The following NDUFA9 variants were observed in gnomAD, a reference collection of about 807,000 sequenced individuals.
NDUFA9 encodes the protein NADH:ubiquinone oxidoreductase subunit A9, also known as NADH dehydrogenase [ubiquinone] 1 alpha subcomplex subunit 9, mitochondrial.
NDUFA9 carries 23 observed loss-of-function variants against 45.9 expected under a neutral mutation model. The observed-to-expected ratio is 0.50, with a 90% CI of 0.36 to 0.71. NDUFA9 has a LOEUF of 0.71. Ranked by LOEUF, NDUFA9 falls within the 30% of genes least tolerant of loss-of-function variation. The pLI is 0.00. For synonymous variants in NDUFA9, 176 were observed against 170.5 expected (o/e 1.03, Z -0.25); for missense variants, 466 against 488.2 (o/e 0.95, Z 0.43).
intron 1 of NDUFA9, among the ~76,000 whole-genome samples, chr12:4,651,413 C>T (rs913844994): frequency 6.6e-6 from 1 of 152,020 alleles, no homozygotes; most frequent in African/African-American, 2.4e-5. Context: ...ATGTTATTCT[C>T]ATTAACCCTT....
chr12:4,665,832 T>C (rs1419961211), intron 6 of NDUFA9, among the ~76,000 whole-genome samples: 1 of 151,860 alleles, frequency 6.6e-6, no homozygotes, highest in Non-Finnish European at 1.5e-5. Flanking sequence ...GTTTTTGAGA[T>C]TGGGTCTTGC....
At chr12:4,658,804 G>T (rs538805308) in intron 4 of NDUFA9, among the ~76,000 whole-genome samples, 2 of 152,000 alleles carry the variant, frequency 1.3e-5, no homozygotes, top group Non-Finnish European at 2.9e-5. Flanking sequence ...TGTGCAGGCT[G>T]GTCTTGAACT....
At chr12:4,667,109 T>A (rs1425514503) in intron 6 of NDUFA9, among the ~76,000 whole-genome samples, 1 of 152,218 alleles carries the variant, frequency 6.6e-6, no homozygotes, top group Non-Finnish European at 1.5e-5. Context: ...GCCTTCTTGC[T>A]GTGTGCTCAC....
intron 6 of NDUFA9, among the ~76,000 whole-genome samples, chr12:4,665,456 T>C (rs988731812): frequency 6.6e-6 from 1 of 152,254 alleles, no homozygotes; most frequent in Middle Eastern, 3.2e-3. Context: ...GATATGTCTA[T>C]ACCACATTTT....
At position 4,649,121 on chromosome 12, in the gene NDUFA9, G is replaced by A. The variant is rs1236315413; in HGVS notation, c.-6G>A. The A allele has an allele frequency of 1.2e-6, 2 of 1,603,768 alleles. No homozygotes were observed. Among genetic ancestry groups the A allele is most frequent in the East Asian group, 2.2e-5 (1 of 44,556 alleles). On this transcript the variant is annotated 5_prime_UTR_variant, in exon 1 of 11. Transcript: ENST00000266544. ...GGAGTGCTGTCGTGGGGGATTGTGG[G>A]AAAAGATGGCGGCTGCCGCACAATC...
chr12:4,659,714 C>G (rs756764820), intron 5 of NDUFA9, among the ~76,000 whole-genome samples: 24 of 152,146 alleles, frequency 1.6e-4, no homozygotes, highest in Non-Finnish European at 2.6e-4. Context: ...AGTCTGTAGC[C>G]TAAGTGAAAC....
intron 1 of NDUFA9, among the ~76,000 whole-genome samples, chr12:4,651,270 T>C (rs372110415): frequency 6.6e-6 from 1 of 152,156 alleles, no homozygotes; most frequent in East Asian, 1.9e-4. Flanking sequence ...ATATAATTAA[T>C]AAAGAATATC....
chr12:4,694,192 C>T lies in NDUFA9; in HGVS notation c.*7084C>T, dbSNP rs1256265966. 1.3e-5 allele frequency: 2 copies of T among 152,202 alleles called. No individual in the cohort carries two copies. The highest frequency in any genetic ancestry group is 6.5e-5 in the Admixed American group (1 of 15,284). The allele number at this position is 152,202 out of a possible 1,614,324, so 9.4% of individuals were successfully genotyped here. ...CATTGTGTCTTAGCGTAGATTCACC[C>T]GACCTCCTTCCCCAGTTTTGCTTCT... is the stretch of plus-strand genomic sequence containing the variant. On this transcript the variant is annotated 3_prime_UTR_variant, in exon 11 of 11. Coordinates refer to ENST00000266544, the MANE Select transcript of NDUFA9 (RefSeq NM_005002.5).
intron 9 of NDUFA9, among the ~76,000 whole-genome samples, chr12:4,683,180 C>CAAAAAAAAAA: frequency 7.2e-6 from 1 of 138,830 alleles, no homozygotes; most frequent in Non-Finnish European, 1.6e-5. Flanking sequence ...GTCTCTGGAA[C>CAAAAAAAAAA]AAAAAAAAAA....
intron 1 of NDUFA9, among the ~76,000 whole-genome samples, chr12:4,651,657 C>G (rs1945760515): frequency 6.6e-6 from 1 of 152,126 alleles, no homozygotes; most frequent in African/African-American, 2.4e-5. Flanking sequence ...CTTAACAGTC[C>G]TTTGAGGTAT....
chr12:4,656,317 C>T (rs4147675), intron 3 of NDUFA9, among the ~76,000 whole-genome samples: 104,049 of 152,020 alleles, frequency 0.68, 38,062 homozygotes, highest in Non-Finnish European at 0.81. Flanking sequence ...CTTTGTCCCT[C>T]AAGTTTGTTG....
At chr12:4,657,554 CG>C (rs1945797544) in intron 3 of NDUFA9, 193 bp from the exon 4 acceptor site, 2 of 553,436 alleles carry the variant, frequency 3.6e-6, no homozygotes, top group African/African-American at 3.8e-5. Flanking sequence ...CTGTTTGTCT[CG>C]GAAAGAGTGA....
chr12:4,657,749 A>G lies in NDUFA9; in HGVS notation c.320A>G (p.Glu107Gly). 1 of 1,611,024 alleles carries G rather than the reference A, an allele frequency of 6.2e-7. No homozygotes were observed. The change falls in exon 4 of 11, where the codon GAA (glutamate) becomes GGA (glycine). Residue 107 changes from glutamate (E) to glycine (G), a missense_variant and splice_region_variant. Coordinates refer to ENST00000266544, the MANE Select transcript of NDUFA9 (RefSeq NM_005002.5). Reference protein sequence around the residue: ...MGDLGQLLFLEWDARDKDSIR... With the variant: ...MGDLGQLLFLGWDARDKDSIR... ...TCCGATTGCTTTCTGCTATTATAGG[A>G]ATGGGACGCGAGAGATAAAGATTCT... is the stretch of plus-strand genomic sequence containing the variant.
chr12:4,655,280 G>T (rs1381212936), intron 3 of NDUFA9: 2 of 199,962 alleles, frequency 1.0e-5, no homozygotes, highest in Non-Finnish European at 2.1e-5. Context: ...ACAAAATGAG[G>T]CTGCAGGCTG....
At chr12:4,652,723 A>G (rs1294589838) in intron 1 of NDUFA9, among the ~76,000 whole-genome samples, 2 of 152,386 alleles carry the variant, frequency 1.3e-5, no homozygotes, top group East Asian at 1.9e-4. Context: ...TAAAGATAGC[A>G]TTAAAAAAGA....
At chr12:4,673,489 T>A (rs1456403651) in intron 8 of NDUFA9, among the ~76,000 whole-genome samples, 2 of 152,180 alleles carry the variant, frequency 1.3e-5, no homozygotes, top group African/African-American at 4.8e-5. Context: ...ATAAATGACC[T>A]GATGGAGCTG....
At chr12:4,656,605 A>T (rs946040228) in intron 3 of NDUFA9, among the ~76,000 whole-genome samples, 19 of 152,198 alleles carry the variant, frequency 1.2e-4, no homozygotes, top group African/African-American at 4.1e-4. Context: ...CTTTGTTTGC[A>T]TCTGCTGTCT....
intron 4 of NDUFA9, among the ~76,000 whole-genome samples, chr12:4,658,195 G>C (rs1362863605): frequency 6.6e-6 from 1 of 152,202 alleles, no homozygotes; most frequent in Non-Finnish European, 1.5e-5. Context: ...TGTAGACAGT[G>C]TTCTAGATGT....
intron 6 of NDUFA9, chr12:4,667,712 A>G (rs1945861686): frequency 6.4e-6 from 1 of 155,322 alleles, no homozygotes; most frequent in Non-Finnish European, 1.4e-5. Flanking sequence ...GGGTTTCACC[A>G]CATTGGCCAG....
Sources: allele counts gnomAD v4.1 joint callset (sites outside exome capture counted in the v4.1 genomes callset), GRCh38; gene constraint gnomAD v4.1.1; transcripts MANE v1.5; gene names NCBI Gene and HGNC (gene_info 2026-07-23, HGNC 2026-07-21).